Variants in TGFBR3 observed in about 807,000 individuals in gnomAD.
The protein encoded by TGFBR3 is transforming growth factor beta receptor 3, also known as transforming growth factor beta receptor type 3.
A neutral mutation model predicts 87.9 loss-of-function variants in TGFBR3; 46 were observed. That is an observed-to-expected ratio of 0.52 (90% CI 0.41 to 0.67). TGFBR3 has a LOEUF of 0.67. Ranked by LOEUF, TGFBR3 falls within the 30% of genes least tolerant of loss-of-function variation. TGFBR3 has a pLI of 0.00. For synonymous variants in TGFBR3, 381 were observed against 391.6 expected (o/e 0.97, Z 0.32); for missense variants, 866 against 1,041.9 (o/e 0.83, Z 2.32).
chr1:91,894,721 C>T (rs1679519461), intron 2 of TGFBR3, among the ~76,000 whole-genome samples: 2 of 152,244 alleles, frequency 1.3e-5, no homozygotes, highest in Non-Finnish European at 1.5e-5. Flanking sequence ...CTCCCAGGAT[C>T]TAAATGTTGG....
At chr1:91,805,629 C>T (rs569621298) in intron 2 of TGFBR3, among the ~76,000 whole-genome samples, 3 of 152,342 alleles carry the variant, frequency 2.0e-5, no homozygotes, top group South Asian at 4.1e-4. Context: ...AGGCCCCCAC[C>T]GCTCGGGTGC....
chr1:91,789,351 G>A (rs781363688), intron 3 of TGFBR3, among the ~76,000 whole-genome samples: 15 of 152,114 alleles, frequency 9.9e-5, no homozygotes, highest in Non-Finnish European at 1.5e-4. Context: ...GGGGGAAGAG[G>A]CAATAATGAC....
intron 4 of TGFBR3, among the ~76,000 whole-genome samples, chr1:91,743,375 G>C (rs752676350): frequency 7.9e-5 from 12 of 152,038 alleles, no homozygotes; most frequent in Non-Finnish European, 1.8e-4. Flanking sequence ...GGCCACCCTA[G>C]ATCAAAAGTG....
rs1269121810 is a variant in TGFBR3 at position 91,714,575 on chromosome 1, T to G, written c.1866+1661A>C. On this transcript the variant is annotated intron_variant, in intron 12 of 16. Coordinates refer to ENST00000212355, the MANE Select transcript of TGFBR3 (RefSeq NM_003243.5). Reference sequence around the variant, plus strand: ...AAAAAAAAAACTACCAATAACACACTTCAAGTAAGCCAGCATTTGAAGGAT... The same window carrying G: ...AAAAAAAAAACTACCAATAACACACGTCAAGTAAGCCAGCATTTGAAGGAT... Among the ~76,000 whole-genome samples the G allele has an allele frequency of 4.6e-5, 7 of 152,150 alleles. No individual in the cohort carries two copies. The East Asian group carries it at 1.4e-3, about 29-fold the overall frequency.
At chr1:91,812,573 T>C (rs1309386944) in intron 2 of TGFBR3, among the ~76,000 whole-genome samples, 1 of 152,218 alleles carries the variant, frequency 6.6e-6, no homozygotes, top group African/African-American at 2.4e-5. Context: ...TTTCAGTTAC[T>C]ATATCTACCA....
At chr1:91,867,482 G>A (rs920778755) in intron 1 of TGFBR3, among the ~76,000 whole-genome samples, 2 of 152,230 alleles carry the variant, frequency 1.3e-5, no homozygotes, top group East Asian at 1.9e-4. Flanking sequence ...ACTTCAGTCC[G>A]TCCTTAAGAG....
chr1:91,798,836 G>A (rs1675488892), intron 2 of TGFBR3, among the ~76,000 whole-genome samples: 1 of 152,210 alleles, frequency 6.6e-6, no homozygotes, highest in Non-Finnish European at 1.5e-5. Context: ...CACCATTCCA[G>A]GGACTTGGAT....
At chr1:91,721,894 T>G in intron 8 of TGFBR3, 61 bp downstream of exon 8, 1 of 1,494,422 alleles carries the variant, frequency 6.7e-7, no homozygotes, top group South Asian at 1.2e-5. Context: ...TGACAGTTCC[T>G]CACTGGAAAA....
intron 16 of TGFBR3, among the ~76,000 whole-genome samples, chr1:91,686,598 T>C (rs1217839996): frequency 1.9e-5 from 1 of 51,376 alleles, no homozygotes; most frequent in Non-Finnish European, 4.0e-5. Flanking sequence ...CTCTTACCTT[T>C]TGACAGATTA....
chr1:91,851,359 G>C (rs1677724575), intron 2 of TGFBR3, among the ~76,000 whole-genome samples: 2 of 152,222 alleles, frequency 1.3e-5, no homozygotes, highest in African/African-American at 4.8e-5. Flanking sequence ...TTCTGGCAGA[G>C]ATCGTTTTAA....
At chr1:91,822,312 A>T (rs971397164) in intron 2 of TGFBR3, among the ~76,000 whole-genome samples, 42 of 150,718 alleles carry the variant, frequency 2.8e-4, no homozygotes, top group Non-Finnish European at 3.7e-4. Flanking sequence ...AAAAAAAAAA[A>T]AAAAAAAAAA....
At chr1:91,883,055 T>C (rs148047076) in intron 1 of TGFBR3, among the ~76,000 whole-genome samples, 1,772 of 152,336 alleles carry the variant, frequency 0.012, 24 homozygotes, top group Middle Eastern at 0.02. Flanking sequence ...TATTCAGTTT[T>C]CTACAAAACA....
intron 2 of TGFBR3, among the ~76,000 whole-genome samples, chr1:91,842,107 AAAAGAAAG>A (rs1203371057): frequency 6.6e-6 from 1 of 152,080 alleles, no homozygotes; most frequent in Non-Finnish European, 1.5e-5. Flanking sequence ...GCCAAAAAAA[AAAAGAAAG>A]AAAGAAAGAA....
chr1:91,747,847 C>T (rs1196150144), intron 4 of TGFBR3, among the ~76,000 whole-genome samples: 1 of 152,258 alleles, frequency 6.6e-6, no homozygotes, highest in African/African-American at 2.4e-5. Flanking sequence ...ACAGCGGCTT[C>T]CGCTCATGCC....
chr1:91,767,506 C>T (rs1196439386), intron 3 of TGFBR3, among the ~76,000 whole-genome samples: 1 of 133,468 alleles, frequency 7.5e-6, no homozygotes, highest in Admixed American at 7.6e-5. Flanking sequence ...ATAGGTAGAT[C>T]CATGGCTCCT....
chr1:91,883,126 G>A (rs1032397151), intron 1 of TGFBR3, among the ~76,000 whole-genome samples: 6 of 152,014 alleles, frequency 3.9e-5, no homozygotes, highest in African/African-American at 1.5e-4. Context: ...ATTTCTCCCA[G>A]GTAAGTTGAA....
chr1:91,712,608 G>A, intron 12 of TGFBR3, 66 bp from the exon 13 acceptor site: 1 of 1,499,244 alleles, frequency 6.7e-7, no homozygotes, highest in Non-Finnish European at 9.3e-7. Context: ...TAGGCACAAG[G>A]ACCATATGCC....
chr1:91,803,332 C>T (rs1307444094), intron 2 of TGFBR3, among the ~76,000 whole-genome samples: 1 of 152,226 alleles, frequency 6.6e-6, no homozygotes, highest in East Asian at 1.9e-4. Context: ...ATCCCGCTAG[C>T]AGCTGGCAGC....
At chr1:91,890,409 CTTTTTTTT>C (rs1175619952), upstream of TGFBR3, among the ~76,000 whole-genome samples, 13 of 60,386 alleles carry the variant, frequency 2.2e-4, no homozygotes, top group African/African-American at 8.4e-4. Context: ...TCTCTATAAT[CTTTTTTTT>C]TTTTTTTTTT....
Sources: gnomAD v4.1 joint callset for allele counts (sites outside exome capture counted in the v4.1 genomes callset) on GRCh38, gnomAD v4.1.1 for gene constraint, MANE v1.5 for transcripts, NCBI Gene and HGNC (gene_info 2026-07-23, HGNC 2026-07-21) for gene names.